Variants in TRAF3IP1 observed in about 807,000 individuals in gnomAD.
The protein encoded by TRAF3IP1 is intraflagellar transport 54, also known as TRAF3-interacting protein 1.
Under a neutral mutation model 89.9 loss-of-function variants are expected in TRAF3IP1, and 53 were observed. The ratio of observed to expected loss-of-function variants is 0.59; its 90% CI spans 0.47 to 0.74. TRAF3IP1 has a LOEUF of 0.74. Ranked by LOEUF, TRAF3IP1 falls within the 30% of genes least tolerant of loss-of-function variation. The pLI, the probability that TRAF3IP1 is intolerant of heterozygous loss-of-function variation, is 0.00. For missense variants in TRAF3IP1, 806 were observed against 866.1 expected (o/e 0.93, Z 0.87); for synonymous variants, 311 against 322.1 (o/e 0.97, Z 0.37).
Position 238,328,767 on chromosome 2 carries a change from T to C in TRAF3IP1, c.436T>C (p.Ser146Pro), listed in dbSNP as rs190577993. ...AGGCCGGGCCTCACTGACCTCAAGA[T>C]CTCAGGAATTGGATAATAAGAATGT... ...VKGRASLTSR[S>P]QELDNKNVRE... is the part of the protein sequence containing the mutation. The change falls in exon 4 of 17, where the codon TCT becomes CCT. Residue 146 changes from serine to proline, a missense_variant. Coordinates refer to ENST00000373327, the MANE Select transcript of TRAF3IP1 (RefSeq NM_015650.4). The C allele has an allele frequency of 2.1e-5, 34 of 1,613,872 alleles. No individual in the cohort carries two copies. In the East Asian group the frequency reaches 5.6e-4, roughly 26 times the overall value.
chr2:238,370,140 G>A (rs979626922), intron 15 of TRAF3IP1, among the ~76,000 whole-genome samples: 5 of 152,178 alleles, frequency 3.3e-5, no homozygotes, highest in African/African-American at 1.2e-4. Context: ...CAGAGCTAGA[G>A]GGGGAAAATG....
chr2:238,325,779 A>G, intron 2 of TRAF3IP1, 30 bp from the exon 3 acceptor site: 1 of 1,596,556 alleles, frequency 6.3e-7, no homozygotes, highest in African/African-American at 1.3e-5. Flanking sequence ...AAGTATTGTA[A>G]TATTTGTATT....
intron 15 of TRAF3IP1, among the ~76,000 whole-genome samples, chr2:238,359,940 C>T (rs1699587797): frequency 6.6e-6 from 1 of 152,178 alleles, no homozygotes. Context: ...GTCAGCACCA[C>T]TCCCTTGTAC....
intron 15 of TRAF3IP1, among the ~76,000 whole-genome samples, chr2:238,386,187 G>A (rs563433269): frequency 6.6e-5 from 10 of 152,348 alleles, no homozygotes; most frequent in Non-Finnish European, 1.2e-4. Flanking sequence ...GTGAGTGACA[G>A]TGGTAGGTAA....
intron 15 of TRAF3IP1, among the ~76,000 whole-genome samples, chr2:238,391,100 G>A (rs994180862): frequency 2.6e-5 from 4 of 152,130 alleles, no homozygotes; most frequent in Non-Finnish European, 5.9e-5. Flanking sequence ...GACTACAGGT[G>A]TGCACCACCA....
intron 6 of TRAF3IP1, among the ~76,000 whole-genome samples, chr2:238,333,301 G>A (rs1056161082): frequency 6.6e-6 from 1 of 152,128 alleles, no homozygotes; most frequent in Non-Finnish European, 1.5e-5. Flanking sequence ...AGGACTCCGC[G>A]ATGCATTTCC....
intron 15 of TRAF3IP1, among the ~76,000 whole-genome samples, chr2:238,393,655 C>T (rs551962118): frequency 1.2e-4 from 18 of 152,094 alleles, no homozygotes; most frequent in African/African-American, 4.3e-4. Flanking sequence ...TAGTCCATTT[C>T]GAGTTAATTT....
chr2:238,347,557 G>T (rs1038527093), intron 10 of TRAF3IP1, 82 bp downstream of exon 10: 10 of 1,406,752 alleles, frequency 7.1e-6, no homozygotes, highest in Non-Finnish European at 1.0e-5. Context: ...TCAGATTCAT[G>T]CTTTATAAAG....
intron 8 of TRAF3IP1, among the ~76,000 whole-genome samples, chr2:238,339,275 A>G (rs984977669): frequency 1.3e-5 from 2 of 152,196 alleles, no homozygotes; most frequent in African/African-American, 2.4e-5. Flanking sequence ...TAGGGTGACT[A>G]TATGGGAGTT....
intron 2 of TRAF3IP1, 31 bp downstream of exon 2, chr2:238,325,405 TCCTCG>T: frequency 3.7e-6 from 6 of 1,611,582 alleles, no homozygotes; most frequent in Non-Finnish European, 5.1e-6. Context: ...TCCTATTGAC[TCCTCG>T]CCTTAACGGA....
chr2:238,346,623 G>A (rs970452249), intron 9 of TRAF3IP1, among the ~76,000 whole-genome samples: 3 of 152,150 alleles, frequency 2.0e-5, no homozygotes, highest in Admixed American at 2.0e-4. Flanking sequence ...TGCTCGGTGT[G>A]GACCCTCACA....
In TRAF3IP1 at chr2:238,351,867, G is replaced by A. The variant is rs546730867; in HGVS notation, c.1452-960G>A. Among the ~76,000 whole-genome samples, 1 of 104,952 alleles carries A rather than the reference G, an allele frequency of 9.5e-6. No homozygotes were observed. Among genetic ancestry groups the A allele is most frequent in the Non-Finnish European group, 1.8e-5 (1 of 56,028 alleles). 68.9% of individuals were successfully genotyped at this position (104,952 alleles called of 152,430 possible). On this transcript the variant is annotated intron_variant, in intron 12 of 16. Coordinates refer to ENST00000373327, the MANE Select transcript of TRAF3IP1 (RefSeq NM_015650.4). The surrounding 1 kb of genome is among the most constrained non-coding windows in gnomAD (Gnocchi z 5.2). ...TGTGTGTGTGTGTGTGTGTGTGTGTGCGCGCGCGCGCGTGTGCGTGCATGT... is the reference window on the plus strand; with the variant it reads ...TGTGTGTGTGTGTGTGTGTGTGTGTACGCGCGCGCGCGTGTGCGTGCATGT...
intron 7 of TRAF3IP1, among the ~76,000 whole-genome samples, chr2:238,337,687 G>A (rs1421462098): frequency 6.6e-6 from 1 of 152,202 alleles, no homozygotes; most frequent in Non-Finnish European, 1.5e-5. Flanking sequence ...GATGCCACTT[G>A]TTTGAACGGA....
chr2:238,377,439 C>T (rs559616873), intron 15 of TRAF3IP1, among the ~76,000 whole-genome samples: 4 of 151,586 alleles, frequency 2.6e-5, no homozygotes, highest in South Asian at 4.2e-4. Flanking sequence ...GTTATTAATG[C>T]GTGTTAAATT....
At chr2:238,357,579 ATGT>A (rs1282916559) in intron 15 of TRAF3IP1, among the ~76,000 whole-genome samples, 1 of 152,100 alleles carries the variant, frequency 6.6e-6, no homozygotes, top group Non-Finnish European at 1.5e-5. Flanking sequence ...TAACTGGAGA[ATGT>A]TGTCGGCGGA....
rs1303592394 is a variant in TRAF3IP1 at position 238,329,220 on chromosome 2, A to G, written c.793A>G (p.Arg265Gly). 2 of 1,556,880 alleles carry G rather than the reference A, an allele frequency of 1.3e-6. No individual in the cohort carries two copies. Among genetic ancestry groups the G allele is most frequent in the African/African-American group, 1.4e-5 (1 of 72,402 alleles). The change falls in exon 5 of 17, where the codon AGG becomes GGG. Residue 265 changes from arginine to glycine, a missense_variant. This residue lies in a region of TRAF3IP1 where 732 missense variants were observed against 780.5 expected (regional missense o/e 0.94). Coordinates refer to ENST00000373327, the MANE Select transcript of TRAF3IP1 (RefSeq NM_015650.4). ...GGKEKERLRDRDRERDRDKGK... is the reference protein window; with the variant it reads ...GGKEKERLRDGDRERDRDKGK... ...GAAAGAGAAGGAGAGACTGAGAGAC[A>G]GGGACCGAGAGCGCGACCGGGACAA...
At position 238,351,833 on chromosome 2, in the gene TRAF3IP1, TG is replaced by T. The variant is rs1314163152; in HGVS notation, c.1452-992del. Among the ~76,000 whole-genome samples the T allele has an allele frequency of 8.7e-6, 1 of 115,300 alleles. No individual in the cohort carries two copies. The highest frequency in any genetic ancestry group is 1.8e-5 in the Non-Finnish European group (1 of 55,246). The allele number at this position is 115,300 out of a possible 152,430, so 75.6% of individuals were successfully genotyped here. ...ATGGCACTGAAGCAAGGGAGGATTTTGGTGTGTGTGTGTGTGTGTGTGTGTG... is the reference window on the plus strand; with the variant it reads ...ATGGCACTGAAGCAAGGGAGGATTTTGTGTGTGTGTGTGTGTGTGTGTGTG... On this transcript the variant is annotated intron_variant, in intron 12 of 16. Coordinates refer to ENST00000373327, the MANE Select transcript of TRAF3IP1 (RefSeq NM_015650.4). This position sits in a 1 kb window ranked among gnomAD's most constrained non-coding sequence, Gnocchi z 5.2.
At chr2:238,360,302 G>A (rs1012724765) in intron 15 of TRAF3IP1, among the ~76,000 whole-genome samples, 2 of 152,150 alleles carry the variant, frequency 1.3e-5, no homozygotes, top group African/African-American at 4.8e-5. Context: ...TGAGGCATAC[G>A]GTAAGTGTGT....
Position 238,351,961 on chromosome 2 carries a change from G to A in TRAF3IP1, c.1452-866G>A, listed in dbSNP as rs1191038332. On this transcript the variant is annotated intron_variant, in intron 12 of 16. Coordinates refer to ENST00000373327, the MANE Select transcript of TRAF3IP1 (RefSeq NM_015650.4). This position sits in a 1 kb window ranked among gnomAD's most constrained non-coding sequence, Gnocchi z 5.2. ...TGCACGCATGCAGCACTGCGATAAC[G>A]GGGCAGGGGGAGTTAGGTGATTGCT... Among the ~76,000 whole-genome samples the A allele has an allele frequency of 1.3e-5, 2 of 152,008 alleles. No homozygotes were observed. The highest frequency in any genetic ancestry group is 2.4e-5 in the African/African-American group (1 of 41,362).
Sources: gnomAD v4.1 joint callset for allele counts (sites outside exome capture counted in the v4.1 genomes callset) on GRCh38, gnomAD v4.1.1 for gene constraint, gnomAD v4.1.1 regional missense constraint, Gnocchi (gnomAD v3.1) non-coding constraint, MANE v1.5 for transcripts, NCBI Gene and HGNC (gene_info 2026-07-23, HGNC 2026-07-21) for gene names.